Variants in DAAM1 observed in about 807,000 individuals in gnomAD.
DAAM1 encodes disheveled-associated activator of morphogenesis 1.
In DAAM1, 52 loss-of-function variants were observed where a neutral mutation model predicts 130.0. The ratio of observed to expected loss-of-function variants is 0.40; its 90% confidence interval spans 0.32 to 0.50. DAAM1 has a LOEUF of 0.50. Among genes scored for constraint, DAAM1 ranks in the 20% least tolerant of loss-of-function variants. The pLI, the probability that DAAM1 is intolerant of heterozygous loss-of-function variation, is 0.61. For missense variants in DAAM1, 1,134 were observed against 1,303.8 expected (o/e 0.87, Z 2.01); for synonymous variants, 452 against 444.5 (o/e 1.02, Z -0.21).
At chr14:59,227,849 G>A (rs1404615152) in intron 1 of DAAM1, among the ~76,000 whole-genome samples, 1 of 152,210 alleles carries the variant, frequency 6.6e-6, no homozygotes, top group East Asian at 1.9e-4. Flanking sequence ...ACTAATGAAT[G>A]AATGGTACTC....
At chr14:59,363,917 T>A (rs772978509) in intron 23 of DAAM1, 135 bp downstream of exon 23, 104 of 1,256,280 alleles carry the variant, frequency 8.3e-5, no homozygotes, top group Non-Finnish European at 1.1e-4. Context: ...AAGTAGTAGA[T>A]AATTACTTTC....
In DAAM1 at chr14:59,316,479, T is replaced by C. The variant is rs577916783; in HGVS notation, c.345+1128T>C. ...GTCATACAATGAATAATAAACAGCC[T>C]ATATATATAAATTATAGAAGAAACT... On this transcript the variant is annotated intron_variant, in intron 4 of 24. Transcript: ENST00000360909. 3.0e-4 allele frequency among the ~76,000 whole-genome samples: 45 copies of C among 152,302 alleles called. No individual in the cohort carries two copies. The South Asian group carries it at 8.7e-3, about 30-fold the overall frequency.
At chr14:59,299,922 A>G (rs1000099398) in intron 3 of DAAM1, 3 of 152,152 alleles carry the variant, frequency 2.0e-5, no homozygotes, top group Non-Finnish European at 4.4e-5. Flanking sequence ...TCAGCATGCT[A>G]CTGACCAGGT....
At chr14:59,348,473 T>A (rs995096065) in intron 17 of DAAM1, among the ~76,000 whole-genome samples, 4 of 152,328 alleles carry the variant, frequency 2.6e-5, no homozygotes, top group African/African-American at 9.6e-5. Flanking sequence ...TCTGTGGTGA[T>A]AGTCTCTGAA....
chr14:59,295,073 G>A (rs1336825292), intron 3 of DAAM1, among the ~76,000 whole-genome samples: 1 of 152,216 alleles, frequency 6.6e-6, no homozygotes, highest in Non-Finnish European at 1.5e-5. Flanking sequence ...AGTTTGCCAA[G>A]TAAGTAAATG....
Position 59,323,182 on chromosome 14 carries a change from T to A in DAAM1, c.731T>A (p.Met244Lys). The A allele has an allele frequency of 6.2e-7, 1 of 1,613,574 alleles. No homozygotes were observed. Among genetic ancestry groups the A allele is most frequent in the Non-Finnish European group, 8.5e-7 (1 of 1,179,730 alleles). ...PGGHKKVLQAMLHYQKYASER... is the reference protein window; with the variant it reads ...PGGHKKVLQAKLHYQKYASER... ...GGCCACAAGAAGGTTCTGCAGGCCATGCTGCACTACCAGAAGTATGCCAGC... is the reference window on the plus strand; with the variant it reads ...GGCCACAAGAAGGTTCTGCAGGCCAAGCTGCACTACCAGAAGTATGCCAGC... The change falls in exon 6 of 25, where the codon ATG (methionine) becomes AAG (lysine). Residue 244 changes from methionine to lysine, a missense_variant. Met to Lys is a moderately conservative substitution (Grantham distance 95). Transcript: ENST00000360909.
chr14:59,209,844 C>G (rs769342050), intron 1 of DAAM1, among the ~76,000 whole-genome samples: 7 of 152,098 alleles, frequency 4.6e-5, no homozygotes, highest in Non-Finnish European at 1.0e-4. Flanking sequence ...GGGCCAGGCA[C>G]AGTGACTCAT....
At position 59,289,767 on chromosome 14, in the gene DAAM1, G is replaced by GATAT; in HGVS notation, c.184-1436_184-1433dup. On this transcript the variant is annotated intron_variant, in intron 2 of 24. Coordinates refer to ENST00000360909, the MANE Select transcript of DAAM1 (RefSeq NM_001270520.2). Reference sequence around the variant, plus strand: ...ACAGTGGACTGGATCAACAAAATGTGATATATATATATATATAATGGAATG... The same window carrying GATAT: ...ACAGTGGACTGGATCAACAAAATGTGATATATATATATATATATATAATGGAATG... Among the ~76,000 whole-genome samples, 75 of 110,256 alleles carry GATAT rather than the reference G, an allele frequency of 6.8e-4. 2 individuals carry two copies. In the East Asian group the frequency reaches 9.1e-3, roughly 13 times the overall value. 72.3% of individuals were successfully genotyped at this position (110,256 alleles called of 152,430 possible).
At chr14:59,197,795 G>C (rs538217696) in intron 1 of DAAM1, among the ~76,000 whole-genome samples, 53 of 151,980 alleles carry the variant, frequency 3.5e-4, no homozygotes, top group African/African-American at 1.2e-3. Flanking sequence ...TGCTCCTTTG[G>C]CTTCTCTGTG....
intron 12 of DAAM1, among the ~76,000 whole-genome samples, chr14:59,327,350 G>T (rs940298962): frequency 6.7e-6 from 1 of 149,252 alleles, no homozygotes; most frequent in Admixed American, 6.7e-5. Context: ...TGTAATAAGG[G>T]ACTTGAGGAA....
intron 15 of DAAM1, among the ~76,000 whole-genome samples, chr14:59,332,189 C>T (rs1885470789): frequency 6.6e-6 from 1 of 152,158 alleles, no homozygotes; most frequent in Non-Finnish European, 1.5e-5. Context: ...TATGCTGTCA[C>T]TTGTATTTAG....
In DAAM1 at chr14:59,355,986, G is replaced by A. The variant is rs141653527; in HGVS notation, c.2525+653G>A. The stretch of plus-strand genomic sequence containing the variant: ...CTCATTAAAATGCTTCCTAGAAAGT[G>A]TTCAATGCTGCATTTTAGGTGAACA... On this transcript the variant is annotated intron_variant, in intron 20 of 24. Transcript: ENST00000360909. 1.1e-4 allele frequency among the ~76,000 whole-genome samples: 17 copies of A among 152,316 alleles called. No individual in the cohort carries two copies. In the East Asian group the frequency reaches 2.9e-3, roughly 26 times the overall value.
At chr14:59,191,428 TAATA>T (rs1394964417) in intron 1 of DAAM1, among the ~76,000 whole-genome samples, 1 of 152,116 alleles carries the variant, frequency 6.6e-6, no homozygotes, top group Non-Finnish European at 1.5e-5. Flanking sequence ...TGTAGGTCTT[TAATA>T]AATATATGTT....
Position 59,323,238 on chromosome 14 carries a change from T to C in DAAM1, c.774+13T>C, listed in dbSNP as rs1486955359. The C allele has an allele frequency of 6.4e-7, 1 of 1,573,956 alleles. No homozygotes were observed. The highest frequency in any genetic ancestry group is 1.8e-5 in the Admixed American group (1 of 56,414). On this transcript the variant is annotated intron_variant, in intron 6 of 24. Transcript: ENST00000360909. ...GACCCGCTTTCAGGTGGGTGTTCGC[T>C]CAGCCTTCTTCACTCACCCCTTCTT...
intron 2 of DAAM1, among the ~76,000 whole-genome samples, chr14:59,289,068 A>G (rs1883600238): frequency 6.6e-6 from 1 of 152,076 alleles, no homozygotes. Flanking sequence ...GGCGTGTGCC[A>G]CCACACCCAG....
chr14:59,249,267 T>C (rs1207319260), intron 1 of DAAM1, among the ~76,000 whole-genome samples: 1 of 152,236 alleles, frequency 6.6e-6, no homozygotes, highest in Non-Finnish European at 1.5e-5. Flanking sequence ...TTCCCAAAGC[T>C]TCATAGGCAT....
intron 3 of DAAM1, among the ~76,000 whole-genome samples, chr14:59,306,260 G>A (rs752573017): frequency 2.6e-5 from 4 of 152,054 alleles, no homozygotes; most frequent in Non-Finnish European, 5.9e-5. Flanking sequence ...TCTGTCTCAG[G>A]GATCACTCAC....
chr14:59,262,552 ACATTC>A (rs1231821770), intron 1 of DAAM1, among the ~76,000 whole-genome samples: 1 of 152,174 alleles, frequency 6.6e-6, no homozygotes, highest in Non-Finnish European at 1.5e-5. Flanking sequence ...ATAAATACAT[ACATTC>A]TTTAAATCAT....
At chr14:59,299,834 T>C (rs933769969) in intron 3 of DAAM1, 1 of 152,074 alleles carries the variant, frequency 6.6e-6, no homozygotes, top group Middle Eastern at 3.2e-3. Flanking sequence ...TAATTTATAT[T>C]TGGGAAGTCT....
Sources: allele counts gnomAD v4.1 joint callset (sites outside exome capture counted in the v4.1 genomes callset), GRCh38; gene constraint gnomAD v4.1.1; transcripts MANE v1.5; gene names NCBI Gene and HGNC (gene_info 2026-07-23, HGNC 2026-07-21).